TGFBR3L: variants seen among roughly 807,000 people sequenced by gnomAD.
TGFBR3L encodes transforming growth factor beta receptor 3 like, also known as transforming growth factor-beta receptor type 3-like protein.
Under a neutral mutation model 20.4 loss-of-function variants are expected in TGFBR3L, and 21 were observed. The ratio of observed to expected loss-of-function variants is 1.03; its 90% CI spans 0.73 to 1.48. TGFBR3L has a LOEUF of 1.48. Among genes scored for constraint, TGFBR3L ranks in the 40% most tolerant of loss-of-function variants. The pLI, the probability that TGFBR3L is intolerant of heterozygous loss-of-function variation, is 0.00. For synonymous variants in TGFBR3L, 245 were observed against 244.2 expected, an observed-to-expected ratio of 1.00 and a Z score of -0.03; for missense variants, 479 against 498.0, an observed-to-expected ratio of 0.96 and a Z score of 0.36.
chr19:7,917,291 G>A, intron 2 of TGFBR3L, among the ~76,000 whole-genome samples, 182 bp from the exon 4 acceptor site: 1 of 152,104 alleles, frequency 6.6e-6, no homozygotes, highest in Non-Finnish European at 1.5e-5. Flanking sequence ...GGGGCTGGGC[G>A]GCTAGCCACT....
rs559158977 is a variant in TGFBR3L, at chr19:7,916,089, A to C, written c.-179A>C. ...GGGAGCTCTGACTTCACCCAGCCGGACCCCACCATCGGGTGCTCCTCACCG... is the reference window on the plus strand; with the variant it reads ...GGGAGCTCTGACTTCACCCAGCCGGCCCCCACCATCGGGTGCTCCTCACCG... On this transcript the variant is annotated 5_prime_UTR_variant, in exon 1 of 6. Transcript: ENST00000565886. The C allele has an allele frequency of 6.0e-5, 76 of 1,273,460 alleles. No individual in the cohort carries two copies. The East Asian group carries it at 1.9e-3, about 31-fold the overall frequency. 78.9% of individuals were successfully genotyped at this position (1,273,460 alleles called of 1,614,324 possible).
rs1169052486 is a variant in TGFBR3L, at chr19:7,917,763, G to T, written c.787G>T (p.Ala263Ser). Residue 263 changes from alanine to serine, a missense_variant, in exon 4 of 6, where the codon GCC becomes TCC. By Grantham distance (99) the Ala-to-Ser change is moderately conservative. Coordinates refer to ENST00000565886, the MANE Select transcript of TGFBR3L (RefSeq NM_001195259.2). ...TGAGCCTCCCGCGCCGGCCCCCGCG[G>T]CCCTGGAACCCGCGCCGGTGGTGGC... 1 of 1,441,552 alleles carries T rather than the reference G, an allele frequency of 6.9e-7. No individual in the cohort carries two copies. Among genetic ancestry groups the T allele is most frequent in the Non-Finnish European group, 9.0e-7 (1 of 1,105,474 alleles). The allele number at this position is 1,441,552 out of a possible 1,614,324, so 89.3% of individuals were successfully genotyped here.
rs537802694 is a variant in TGFBR3L, at chr19:7,915,659, G to T, written c.-609G>T. On this transcript the variant is annotated 5_prime_UTR_variant, in exon 1 of 6. Transcript: ENST00000565886. ...AGGCTGAAGCAGGAGGATGGCTGGAGCCCAGGAGGTGGAGGCTGCAGTGAG... is the reference window on the plus strand; with the variant it reads ...AGGCTGAAGCAGGAGGATGGCTGGATCCCAGGAGGTGGAGGCTGCAGTGAG... 7.9e-4 allele frequency among the ~76,000 whole-genome samples: 121 copies of T among 152,318 alleles called. No individual in the cohort carries two copies. Among genetic ancestry groups the T allele is most frequent in the Admixed American group, 1.6e-3 (24 of 15,312 alleles).
Position 7,915,884 on chromosome 19 carries a change from G to C in TGFBR3L, c.-384G>C, listed in dbSNP as rs946666325. On this transcript the variant is annotated 5_prime_UTR_variant, in exon 1 of 6. Transcript: ENST00000565886. ...AGGGGTCCCATGGCTGCCTCAGCCTGGACAAGTGGAAGCGTCTCAGATCTT... is the reference window on the plus strand; with the variant it reads ...AGGGGTCCCATGGCTGCCTCAGCCTCGACAAGTGGAAGCGTCTCAGATCTT... Among the ~76,000 whole-genome samples, 1 of 152,198 alleles carries C rather than the reference G, an allele frequency of 6.6e-6. No homozygotes were observed. The highest frequency in any genetic ancestry group is 2.4e-5 in the African/African-American group (1 of 41,444).
chr19:7,916,525 C>G lies in TGFBR3L; in HGVS notation c.258C>G (p.Asp86Glu). Residue 86 changes from aspartate to glutamate, a missense_variant, in exon 1 of 6, where the codon GAC (aspartate) becomes GAG (glutamate). Physicochemically the swap from Asp to Glu is conservative, Grantham distance 45. Transcript: ENST00000565886. ...CGGGGCCGCTCGAGGTCCCGGCCGA[C>G]AGCCGCGTGTTCGTGCAGGTGGGGA... is the stretch of plus-strand genomic sequence containing the variant. 6.6e-7 allele frequency: 1 copy of G among 1,505,456 alleles called. No homozygotes were observed. Among genetic ancestry groups the G allele is most frequent in the Non-Finnish European group, 8.9e-7 (1 of 1,129,628 alleles). 93.3% of individuals were successfully genotyped at this position (1,505,456 alleles called of 1,614,324 possible).
At position 7,915,112 on chromosome 19, in the gene TGFBR3L, C is replaced by T. The variant is rs554624024; in HGVS notation, c.-1156C>T. Reference sequence around the variant, plus strand: ...GCCTCAGCCTCCTGAGTAGCTGGGACTACAGGCACGCACCACCACGCCTGG... The same window carrying T: ...GCCTCAGCCTCCTGAGTAGCTGGGATTACAGGCACGCACCACCACGCCTGG... On this transcript the variant is annotated 5_prime_UTR_variant, in exon 1 of 6. Coordinates refer to ENST00000565886, the MANE Select transcript of TGFBR3L (RefSeq NM_001195259.2). Among the ~76,000 whole-genome samples, 21 of 152,274 alleles carry T rather than the reference C, an allele frequency of 1.4e-4. No individual in the cohort carries two copies. The South Asian group carries it at 4.1e-3, about 30-fold the overall frequency.
rs537563037 is a variant in TGFBR3L at position 7,915,082 on chromosome 19, C to A, written c.-1186C>A. ...CTCCGCCTCCCCGGTTCAAGTGATT[C>A]TCCTGCCTCAGCCTCCTGAGTAGCT... On this transcript the variant is annotated 5_prime_UTR_variant, in exon 1 of 6. Transcript: ENST00000565886. 6.6e-6 allele frequency among the ~76,000 whole-genome samples: 1 copy of A among 152,328 alleles called. No homozygotes were observed. The highest frequency in any genetic ancestry group is 6.5e-5 in the Admixed American group (1 of 15,310).
intron 1 of TGFBR3L, 30 bp downstream of exon 2, chr19:7,916,573 TGGG>T: frequency 6.9e-7 from 1 of 1,441,832 alleles, no homozygotes; most frequent in Non-Finnish European, 9.1e-7. Flanking sequence ...CAGGGGCGGA[TGGG>T]GGCCGGTGGG....
rs1238958456 is a variant in TGFBR3L at position 7,915,634 on chromosome 19, A to C, written c.-634A>C. ...GTGGCTGTGGTCATAGCTACTCGAG[A>C]GGCTGAAGCAGGAGGATGGCTGGAG... On this transcript the variant is annotated 5_prime_UTR_variant, in exon 1 of 6. Transcript: ENST00000565886. 6.6e-6 allele frequency among the ~76,000 whole-genome samples: 1 copy of C among 152,182 alleles called. No individual in the cohort carries two copies. Among genetic ancestry groups the C allele is most frequent in the East Asian group, 1.9e-4 (1 of 5,182 alleles).
Position 7,915,415 on chromosome 19 carries a change from G to A in TGFBR3L, c.-853G>A, listed in dbSNP as rs971996022. Among the ~76,000 whole-genome samples the A allele has an allele frequency of 1.3e-5, 2 of 152,206 alleles. No homozygotes were observed. The highest frequency in any genetic ancestry group is 2.4e-5 in the African/African-American group (1 of 41,456). Reference sequence around the variant, plus strand: ...CTTCGGCAAAGCTCCCTGCAGCCACGGAGAGGGCCAGAGTTGTGGGAGGGG... The same window carrying A: ...CTTCGGCAAAGCTCCCTGCAGCCACAGAGAGGGCCAGAGTTGTGGGAGGGG... On this transcript the variant is annotated 5_prime_UTR_variant, in exon 1 of 6. Transcript: ENST00000565886.
intron 1 of TGFBR3L, 22 bp from the exon 3 acceptor site, chr19:7,916,600 T>C (rs1432742485): frequency 2.1e-5 from 30 of 1,428,698 alleles, no homozygotes; most frequent in Admixed American, 8.7e-5. Flanking sequence ...GGGCGATCCC[T>C]GATGGCGCCT....
rs1264584707 is a variant in TGFBR3L, at chr19:7,917,492, C to A, written c.617C>A (p.Ala206Glu). ...CCCCAGTGTCTGCCTCAGGACGAGG[C>A]GTGCGCCGACACTGGCAGTGGCAGC... The change falls in exon 3 of 6, where the codon GCG (alanine) becomes GAG (glutamate). Residue 206 changes from alanine (A) to glutamate (E), a missense_variant. By Grantham distance (107) the Ala-to-Glu change is moderately radical. Coordinates refer to ENST00000565886, the MANE Select transcript of TGFBR3L (RefSeq NM_001195259.2). 3 of 1,526,422 alleles carry A rather than the reference C, an allele frequency of 2.0e-6. No homozygotes were observed. Among genetic ancestry groups the A allele is most frequent in the Non-Finnish European group, 8.7e-7 (1 of 1,143,040 alleles). 94.6% of individuals were successfully genotyped at this position (1,526,422 alleles called of 1,614,324 possible).
At chr19:7,918,487 C>T (rs770853504) in intron 5 of TGFBR3L, among the ~76,000 whole-genome samples, 2 of 152,218 alleles carry the variant, frequency 1.3e-5, no homozygotes, top group African/African-American at 2.4e-5. Context: ...CCTACCGCTT[C>T]GGTCTCCCAA....
At position 7,916,231 on chromosome 19, in the gene TGFBR3L, C is replaced by A; in HGVS notation, c.-37C>A. 6.6e-7 allele frequency: 1 copy of A among 1,521,604 alleles called. No homozygotes were observed. Among genetic ancestry groups the A allele is most frequent in the Non-Finnish European group, 8.8e-7 (1 of 1,138,658 alleles). 94.3% of individuals were successfully genotyped at this position (1,521,604 alleles called of 1,614,324 possible). On this transcript the variant is annotated 5_prime_UTR_variant, in exon 1 of 6. Transcript: ENST00000565886. ...GAGTCCCAGGGGTCGCCAGGGGGCA[C>A]ATCACCGTCAGGGGGGAAAGTGGCG...
At chr19:7,917,621 G>T (rs1391960231) in intron 3 of TGFBR3L, 22 bp downstream of exon 4, 7 of 1,445,822 alleles carry the variant, frequency 4.8e-6, no homozygotes, top group African/African-American at 1.5e-5. Flanking sequence ...GTCCTCCTCC[G>T]CATGGGGCCG....
In TGFBR3L at chr19:7,916,325, G is replaced by T; in HGVS notation, c.58G>T (p.Gly20Cys). Residue 20 changes from glycine to cysteine, a missense_variant, in exon 1 of 6, where the codon GGT becomes TGT. Transcript: ENST00000565886. ...TTTCCAAAGGCGGCGGCGGGGGCGA[G>T]GTGGTCGGGTCACTTTTCCCGGAGG... is the stretch of plus-strand genomic sequence containing the variant. The T allele has an allele frequency of 6.5e-7, 1 of 1,535,638 alleles. No individual in the cohort carries two copies. Among genetic ancestry groups the T allele is most frequent in the Non-Finnish European group, 8.7e-7 (1 of 1,146,772 alleles).
intron 2 of TGFBR3L, chr19:7,917,183 G>A (rs1983350977): frequency 3.9e-6 from 3 of 770,686 alleles, no homozygotes; most frequent in Non-Finnish European, 5.7e-6. Context: ...AGGCCACTAA[G>A]GGGACACATT....
At position 7,918,112 on chromosome 19, in the gene TGFBR3L, G is replaced by A. The variant is rs1397923171; in HGVS notation, c.939G>A (p.Arg313=). ...CCTCGCCCAGCGGTCCCCAGCCCAG[G>A]AGGTCCCAGTGAGGAAGGTAGGTAT... Residue 313 remains arginine (R), a synonymous_variant, in exon 5 of 6, where the codon AGG becomes AGA. Transcript: ENST00000565886. 2 of 1,535,234 alleles carry A rather than the reference G, an allele frequency of 1.3e-6. No individual in the cohort carries two copies. Among genetic ancestry groups the A allele is most frequent in the Non-Finnish European group, 1.7e-6 (2 of 1,146,284 alleles).
chr19:7,916,042 A>G lies in TGFBR3L; in HGVS notation c.-226A>G. The G allele has an allele frequency of 3.9e-6, 3 of 772,228 alleles. No individual in the cohort carries two copies. The highest frequency in any genetic ancestry group is 5.9e-6 in the Non-Finnish European group (3 of 505,114). 47.8% of individuals were successfully genotyped at this position (772,228 alleles called of 1,614,324 possible). ...AGCCGCCTGTCCTGCTGCGTCCCCA[A>G]GAGCAGCCCTGGGGAAGGTGGGGGA... On this transcript the variant is annotated 5_prime_UTR_variant, in exon 1 of 6. Transcript: ENST00000565886.
Sources: allele counts gnomAD v4.1 joint callset (sites outside exome capture counted in the v4.1 genomes callset), GRCh38; gene constraint gnomAD v4.1.1; transcripts MANE v1.5; gene names NCBI Gene and HGNC (gene_info 2026-07-23, HGNC 2026-07-21).